The following HDAC9 variants were observed in gnomAD, a reference collection of about 807,000 sequenced individuals.
The protein encoded by HDAC9 is histone deacetylase 9.
Under a neutral mutation model 139.4 loss-of-function variants are expected in HDAC9, and 41 were observed. The observed-to-expected ratio is 0.29, with a 90% CI of 0.23 to 0.38. The LOEUF (loss-of-function observed/expected upper bound fraction) is 0.38. Among genes scored for constraint, HDAC9 ranks in the 10% least tolerant of loss-of-function variants. The pLI, the probability that HDAC9 is intolerant of heterozygous loss-of-function variation, is 1.00. For synonymous variants in HDAC9, 517 were observed against 476.2 expected, an observed-to-expected ratio of 1.09 and a Z score of -1.12; for missense variants, 1,147 against 1,297.0, an observed-to-expected ratio of 0.88 and a Z score of 1.78.
intron 1 of HDAC9, among the ~76,000 whole-genome samples, chr7:18,145,319 G>C (rs1562671924): frequency 6.6e-6 from 1 of 152,216 alleles, no homozygotes; most frequent in African/African-American, 2.4e-5. Context: ...ATCTCATGGA[G>C]ATAATTTGAA....
intron 1 of HDAC9, among the ~76,000 whole-genome samples, chr7:18,340,934 A>G (rs1450871089): frequency 1.3e-5 from 2 of 150,948 alleles, no homozygotes; most frequent in African/African-American, 4.9e-5. Context: ...CAGTTTTTGT[A>G]TGTTTGAAGA....
chr7:18,922,760 C>T (rs111890822), intron 22 of HDAC9, among the ~76,000 whole-genome samples: 1 of 152,080 alleles, frequency 6.6e-6, no homozygotes, highest in African/African-American at 2.4e-5. Flanking sequence ...TTACTAATAT[C>T]ATTTGAAATT....
intron 22 of HDAC9, among the ~76,000 whole-genome samples, chr7:18,880,375 C>G (rs923143756): frequency 5.3e-5 from 8 of 152,162 alleles, no homozygotes; most frequent in African/African-American, 1.9e-4. Flanking sequence ...CACTGCAGCA[C>G]TATTCACAAT....
At chr7:18,221,355 T>C (rs1252692660) in intron 2 of HDAC9, among the ~76,000 whole-genome samples, 1 of 152,152 alleles carries the variant, frequency 6.6e-6, no homozygotes, top group Admixed American at 6.5e-5. Context: ...TCCGCCCACC[T>C]CAGCCTCGCA....
chr7:18,368,093 C>A (rs758666507), intron 1 of HDAC9, among the ~76,000 whole-genome samples: 43 of 152,044 alleles, frequency 2.8e-4, no homozygotes, highest in Non-Finnish European at 4.4e-4. Context: ...TTACCAATAT[C>A]TTTTCCCAGA....
intron 17 of HDAC9, among the ~76,000 whole-genome samples, chr7:18,824,094 A>AAGAAGAAGAAGT (rs1795230732): frequency 1.4e-5 from 2 of 147,932 alleles, no homozygotes; most frequent in African/African-American, 2.6e-5. Flanking sequence ...GAAGAACAAG[A>AAGAAGAAGAAGT]ACAAGAAGGA....
At chr7:18,710,648 A>G (rs915438117) in intron 12 of HDAC9, among the ~76,000 whole-genome samples, 2 of 152,202 alleles carry the variant, frequency 1.3e-5, no homozygotes, top group Non-Finnish European at 2.9e-5. Context: ...TGTTAATGGT[A>G]TCCGTTCATC....
intron 21 of HDAC9, among the ~76,000 whole-genome samples, chr7:18,868,986 T>C (rs1009751275): frequency 6.6e-6 from 1 of 152,132 alleles, no homozygotes; most frequent in Non-Finnish European, 1.5e-5. Context: ...CCTTGTCTTA[T>C]GCATCTCTTC....
chr7:18,123,171 A>C (rs1166105685), intron 1 of HDAC9, among the ~76,000 whole-genome samples: 1 of 152,128 alleles, frequency 6.6e-6, no homozygotes, highest in Non-Finnish European at 1.5e-5. Context: ...TCTTAGTTCT[A>C]ATTTTGCATT....
intron 21 of HDAC9, among the ~76,000 whole-genome samples, chr7:18,847,377 G>A (rs1489012458): frequency 2.6e-5 from 4 of 151,458 alleles, no homozygotes; most frequent in Admixed American, 2.0e-4. Context: ...TAGAGAGAAC[G>A]TTTATTTTTA....
intron 22 of HDAC9, among the ~76,000 whole-genome samples, chr7:18,876,039 T>A (rs1227009028): frequency 6.6e-6 from 1 of 152,170 alleles, no homozygotes; most frequent in Non-Finnish European, 1.5e-5. Context: ...GTAACAAGAC[T>A]CTTCGTCAGA....
chr7:18,420,818 C>T (rs1264044485), intron 1 of HDAC9, among the ~76,000 whole-genome samples: 3 of 152,102 alleles, frequency 2.0e-5, no homozygotes, highest in African/African-American at 7.2e-5. Context: ...CAAAATGAAG[C>T]AATTAAGTGT....
chr7:18,685,092 C>G (rs1233111777), intron 12 of HDAC9, among the ~76,000 whole-genome samples: 1 of 151,910 alleles, frequency 6.6e-6, no homozygotes, highest in Non-Finnish European at 1.5e-5. Context: ...AGAAACTGTC[C>G]TCCACCCTCA....
chr7:18,829,182 C>G lies in HDAC9; in HGVS notation c.2344C>G (p.Pro782Ala). The change falls in exon 18 of 26, where the codon CCC becomes GCC. Residue 782 changes from proline (P) to alanine (A), a missense_variant. Pro to Ala is a conservative substitution (Grantham distance 27, BLOSUM62 -1). Transcript: ENST00000686413. ...ACAGAATGGGTTTGCTGTTGTGAGG[C>G]CCCCTGGCCATCACGCTGAAGAATC... is the stretch of plus-strand genomic sequence containing the variant. ...ELKNGFAVVR[P>A]PGHHAEESTA... is the part of the protein sequence containing the mutation. 1 of 1,612,008 alleles carries G rather than the reference C, an allele frequency of 6.2e-7. No homozygotes were observed. The highest frequency in any genetic ancestry group is 8.5e-7 in the Non-Finnish European group (1 of 1,178,070).
intron 1 of HDAC9, among the ~76,000 whole-genome samples, chr7:18,365,295 G>A (rs896861570): frequency 6.6e-6 from 1 of 151,972 alleles, no homozygotes; most frequent in African/African-American, 2.4e-5. Flanking sequence ...CTGATAGGTC[G>A]GAGCTGCATG....
At chr7:18,535,873 A>G (rs1210475662) in intron 2 of HDAC9, among the ~76,000 whole-genome samples, 3 of 152,204 alleles carry the variant, frequency 2.0e-5, no homozygotes, top group Non-Finnish European at 2.9e-5. Flanking sequence ...GGAATGATCA[A>G]TGAAACTCTA....
chr7:18,644,861 C>T (rs1430414286), intron 9 of HDAC9, 68 bp downstream of exon 9: 4 of 1,505,018 alleles, frequency 2.7e-6, no homozygotes, highest in Admixed American at 4.1e-5. Flanking sequence ...AACTCTCTTT[C>T]GTGTTTTATG....
At chr7:18,840,674 A>T (rs1585134028) in intron 21 of HDAC9, among the ~76,000 whole-genome samples, 2 of 152,118 alleles carry the variant, frequency 1.3e-5, no homozygotes, top group Admixed American at 6.6e-5. Context: ...AGTCAAAGCC[A>T]TTGAACCATT....
At chr7:18,475,608 C>T (rs1002868472) in intron 1 of HDAC9, among the ~76,000 whole-genome samples, 5 of 152,190 alleles carry the variant, frequency 3.3e-5, no homozygotes, top group Admixed American at 2.0e-4. Context: ...TAGCCAGTCA[C>T]TATGCCGCCC....
Sources: gnomAD v4.1 joint callset for allele counts (sites outside exome capture counted in the v4.1 genomes callset) on GRCh38, gnomAD v4.1.1 for gene constraint, MANE v1.5 for transcripts, NCBI Gene and HGNC (gene_info 2026-07-23, HGNC 2026-07-21) for gene names.